The following KCNH5 variants were observed in gnomAD, a reference collection of about 807,000 sequenced individuals.
The protein encoded by KCNH5 is potassium voltage-gated channel subfamily H member 5, also known as voltage-gated delayed rectifier potassium channel KCNH5.
KCNH5 carries 46 observed loss-of-function variants against 96.1 expected under a neutral mutation model. The ratio of observed to expected loss-of-function variants is 0.48; its 90% CI spans 0.38 to 0.61. KCNH5 has a LOEUF of 0.61. Among genes scored for constraint, KCNH5 ranks in the 20% least tolerant of loss-of-function variants. The pLI, the probability that KCNH5 is intolerant of heterozygous loss-of-function variation, is 0.00. For synonymous variants in KCNH5, 439 were observed against 449.8 expected (o/e 0.98, Z 0.30); for missense variants, 907 against 1,225.8 (o/e 0.74, Z 3.88).
intron 7 of KCNH5, among the ~76,000 whole-genome samples, chr14:62,907,286 T>C (rs1889048437): frequency 6.6e-6 from 1 of 152,186 alleles, no homozygotes; most frequent in African/African-American, 2.4e-5. Flanking sequence ...GACCCAGTCA[T>C]ACCTTGAGTG....
At chr14:62,838,779 T>A (rs79521013) in intron 8 of KCNH5, among the ~76,000 whole-genome samples, 5,511 of 152,224 alleles carry the variant, frequency 0.036, 286 homozygotes, top group African/African-American at 0.11. Flanking sequence ...TACAGCCCAG[T>A]GTCTGTATCA....
At chr14:62,720,763 T>A (rs1325063851) in intron 10 of KCNH5, among the ~76,000 whole-genome samples, 1 of 152,158 alleles carries the variant, frequency 6.6e-6, no homozygotes, top group Non-Finnish European at 1.5e-5. Context: ...AACAACACTC[T>A]TTTTAGTCTA....
At chr14:62,872,239 T>C (rs1015384254) in intron 7 of KCNH5, among the ~76,000 whole-genome samples, 1 of 152,234 alleles carries the variant, frequency 6.6e-6, no homozygotes, top group Non-Finnish European at 1.5e-5. Context: ...TGCCCAATGC[T>C]GGTGGTTTTA....
rs932154999 is a variant in KCNH5 at position 62,701,979 on chromosome 14, G to A, written c.*5529C>T. On this transcript the variant is annotated 3_prime_UTR_variant, in exon 11 of 11. Transcript: ENST00000322893. ...CTGAATAATCTACTTAAAACCCAAT[G>A]AGTCAAAAAATAAATTTTAAAAATA... 2 of 151,832 alleles carry A rather than the reference G, an allele frequency of 1.3e-5. No individual in the cohort carries two copies. Among genetic ancestry groups the A allele is most frequent in the Non-Finnish European group, 2.9e-5 (2 of 67,896 alleles). The allele number at this position is 151,832 out of a possible 1,614,324, so 9.4% of individuals were successfully genotyped here. A position where few individuals can be genotyped will look rare whatever the true frequency, so the allele number is the denominator to read the frequency against.
At chr14:62,880,980 G>A (rs1389513042) in intron 7 of KCNH5, among the ~76,000 whole-genome samples, 1 of 152,118 alleles carries the variant, frequency 6.6e-6, no homozygotes, top group Non-Finnish European at 1.5e-5. Context: ...TGACACAGAG[G>A]GAGAAAAGAA....
At chr14:62,934,160 C>T (rs1467952341) in intron 7 of KCNH5, among the ~76,000 whole-genome samples, 4 of 145,460 alleles carry the variant, frequency 2.7e-5, no homozygotes, top group East Asian at 2.0e-4. Context: ...GAGATAGAGT[C>T]TCACTCTGTC....
intron 7 of KCNH5, among the ~76,000 whole-genome samples, chr14:62,865,888 C>T (rs746481453): frequency 6.6e-6 from 1 of 152,146 alleles, no homozygotes; most frequent in Non-Finnish European, 1.5e-5. Context: ...GGGTACTTCA[C>T]TGACTTATTT....
At chr14:62,843,576 T>C (rs1472927286) in intron 8 of KCNH5, among the ~76,000 whole-genome samples, 1 of 151,888 alleles carries the variant, frequency 6.6e-6, no homozygotes, top group Non-Finnish European at 1.5e-5. Flanking sequence ...CACGCCCAGC[T>C]AATTTTTGTA....
intron 7 of KCNH5, among the ~76,000 whole-genome samples, chr14:62,928,593 G>A (rs1889520385): frequency 6.6e-6 from 1 of 152,042 alleles, no homozygotes; most frequent in African/African-American, 2.4e-5. Context: ...GTTTGTAAGA[G>A]CGTTTGCCCC....
intron 4 of KCNH5, among the ~76,000 whole-genome samples, chr14:62,994,400 G>T (rs1566532315): frequency 6.6e-6 from 1 of 152,056 alleles, no homozygotes; most frequent in Admixed American, 6.6e-5. Context: ...AATGGGCAGA[G>T]ATTTAGGCCA....
intron 7 of KCNH5, among the ~76,000 whole-genome samples, chr14:62,934,996 T>C (rs993411991): frequency 2.0e-5 from 3 of 152,072 alleles, no homozygotes; most frequent in Admixed American, 1.3e-4. Flanking sequence ...CATCCAGAAC[T>C]CTACAACATG....
At chr14:62,986,832 T>G (rs1890717753) in intron 5 of KCNH5, among the ~76,000 whole-genome samples, 1 of 152,160 alleles carries the variant, frequency 6.6e-6, no homozygotes, top group Non-Finnish European at 1.5e-5. Context: ...TCTGATATGC[T>G]CAAAGAAAAC....
At chr14:62,751,147 T>C (rs948517934) in intron 10 of KCNH5, among the ~76,000 whole-genome samples, 1 of 152,146 alleles carries the variant, frequency 6.6e-6, no homozygotes, top group Non-Finnish European at 1.5e-5. Context: ...GCAATTTCTG[T>C]CTGTTGAGAT....
intron 7 of KCNH5, among the ~76,000 whole-genome samples, chr14:62,856,762 G>A (rs868020887): frequency 2.0e-5 from 3 of 151,738 alleles, no homozygotes; most frequent in African/African-American, 7.3e-5. Flanking sequence ...CATCTGCTAC[G>A]AGCCAGGCAA....
At chr14:62,876,553 T>TGTTTTATTTCTATACACAGTTTTATTTCA (rs1888376600) in intron 7 of KCNH5, among the ~76,000 whole-genome samples, 1 of 152,216 alleles carries the variant, frequency 6.6e-6, no homozygotes. Context: ...TTCTATACAC[T>TGTTTTATTTCTATACACAGTTTTATTTCA]ACCAACAAAT....
chr14:62,712,737 A>T, intron 10 of KCNH5: 1 of 776,324 alleles, frequency 1.3e-6, no homozygotes, highest in Non-Finnish European at 2.4e-6. Flanking sequence ...TGAATTGAAC[A>T]CAATTGAAGC....
intron 2 of KCNH5, among the ~76,000 whole-genome samples, chr14:63,011,475 T>C (rs1449647651): frequency 2.2e-5 from 3 of 133,974 alleles, no homozygotes; most frequent in East Asian, 5.4e-4. Flanking sequence ...AGAAAGTCTG[T>C]CTCAAAAAAA....
rs1889639183 is a variant in KCNH5 at position 62,934,384 on chromosome 14, T to C, written c.1369+15749A>G. 2.6e-5 allele frequency among the ~76,000 whole-genome samples: 4 copies of C among 152,210 alleles called. No individual in the cohort carries two copies. The South Asian group carries it at 8.3e-4, about 32-fold the overall frequency. The stretch of plus-strand genomic sequence containing the variant: ...AGTCCTGACCTTGTGTTGCCCTCTA[T>C]AGAAGAGACTATCCAAATTTCATAA... On this transcript the variant is annotated intron_variant, in intron 7 of 10. Transcript: ENST00000322893.
intron 1 of KCNH5, among the ~76,000 whole-genome samples, chr14:63,028,497 G>A (rs915214917): frequency 2.0e-5 from 3 of 152,100 alleles, no homozygotes; most frequent in East Asian, 3.9e-4. Flanking sequence ...TCACAAAGCC[G>A]CGATTCCCAA....
Sources: allele counts gnomAD v4.1 joint callset (sites outside exome capture counted in the v4.1 genomes callset), GRCh38; gene constraint gnomAD v4.1.1; transcripts MANE v1.5; gene names NCBI Gene and HGNC (gene_info 2026-07-23, HGNC 2026-07-21).